Variants in CACNA1E observed in about 807,000 individuals in gnomAD.
CACNA1E encodes voltage-dependent R-type calcium channel subunit alpha-1E.
Under a neutral mutation model 259.2 loss-of-function variants are expected in CACNA1E, and 40 were observed. That is an observed-to-expected ratio of 0.15 (90% confidence interval 0.12 to 0.20). The LOEUF is 0.20. CACNA1E is among the 10% of genes least tolerant of loss of function. The pLI, the probability that CACNA1E is intolerant of heterozygous loss-of-function variation, is 1.00. For missense variants in CACNA1E, 1,874 were observed against 3,040.1 expected, an observed-to-expected ratio of 0.62 and a Z score of 9.02; for synonymous variants, 1,104 against 1,138.5, an observed-to-expected ratio of 0.97 and a Z score of 0.61.
chr1:181,717,539 C>G (rs1277908155), intron 11 of CACNA1E, among the ~76,000 whole-genome samples: 1 of 152,110 alleles, frequency 6.6e-6, no homozygotes, highest in Non-Finnish European at 1.5e-5. Context: ...AACGTTATAC[C>G]TTTGGGTACC....
At chr1:181,754,147 T>C (rs1657853063) in intron 27 of CACNA1E, among the ~76,000 whole-genome samples, 2 of 152,196 alleles carry the variant, frequency 1.3e-5, no homozygotes, top group South Asian at 2.1e-4. Flanking sequence ...CAGGATTCAG[T>C]GGGCCTCAAG....
chr1:181,617,032 G>C (rs1252345951), intron 6 of CACNA1E, among the ~76,000 whole-genome samples: 2 of 151,974 alleles, frequency 1.3e-5, no homozygotes, highest in Admixed American at 1.3e-4. Context: ...TTTCATTCCT[G>C]ATGGTGATAA....
At chr1:181,491,118 C>A (rs1664278616) in intron 1 of CACNA1E, among the ~76,000 whole-genome samples, 1 of 152,206 alleles carries the variant, frequency 6.6e-6, no homozygotes, top group African/African-American at 2.4e-5. Flanking sequence ...AATGGATTTT[C>A]AACAGTCACT....
chr1:181,655,626 G>T (rs1485952538), intron 7 of CACNA1E, among the ~76,000 whole-genome samples: 1 of 152,114 alleles, frequency 6.6e-6, no homozygotes, highest in African/African-American at 2.4e-5. Context: ...AGAAAGAGAA[G>T]AATGTGATAC....
At chr1:181,710,826 C>T in intron 7 of CACNA1E, 128 bp from the exon 8 acceptor site, 3 of 663,088 alleles carry the variant, frequency 4.5e-6, no homozygotes, top group Non-Finnish European at 8.0e-6. Flanking sequence ...CAGCCTGGGT[C>T]AGGGGAAAGG....
intron 2 of CACNA1E, among the ~76,000 whole-genome samples, chr1:181,468,012 G>A (rs1003454640): frequency 3.3e-5 from 5 of 152,144 alleles, no homozygotes; most frequent in Admixed American, 1.3e-4. Context: ...ATAATGCTGA[G>A]CTTAAGACAC....
At chr1:181,547,282 G>T (rs1396804049) in intron 3 of CACNA1E, among the ~76,000 whole-genome samples, 1 of 152,064 alleles carries the variant, frequency 6.6e-6, no homozygotes, top group Non-Finnish European at 1.5e-5. Flanking sequence ...GCTGATGCTT[G>T]CCCCTGACTC....
At chr1:181,524,984 A>G (rs1241160719) in intron 3 of CACNA1E, among the ~76,000 whole-genome samples, 1 of 152,272 alleles carries the variant, frequency 6.6e-6, no homozygotes, top group East Asian at 1.9e-4. Context: ...ACATCCATTG[A>G]GTCAAGAAAT....
At chr1:181,763,115 T>A (rs1658728721) in intron 33 of CACNA1E, among the ~76,000 whole-genome samples, 1 of 152,118 alleles carries the variant, frequency 6.6e-6, no homozygotes, top group Admixed American at 6.5e-5. Context: ...CTTTTTGGCA[T>A]TTAAGTGCAG....
Position 181,623,301 on chromosome 1 carries a change from A to G in CACNA1E, c.952-28037A>G, listed in dbSNP as rs375886490. Among the ~76,000 whole-genome samples, 478 of 152,348 alleles carry G rather than the reference A, an allele frequency of 3.1e-3. 5 individuals are homozygous for G. In the Middle Eastern group the frequency reaches 0.034, roughly 11 times the overall value. The stretch of plus-strand genomic sequence containing the variant: ...GTACCTTAAAATCTTTAATGTACAC[A>G]TATACATAACAAAATAAGTTCCTTA... On this transcript the variant is annotated intron_variant, in intron 6 of 47. Transcript: ENST00000367573.
At chr1:181,762,939 G>T (rs865777766) in intron 33 of CACNA1E, among the ~76,000 whole-genome samples, 1 of 152,176 alleles carries the variant, frequency 6.6e-6, no homozygotes, top group South Asian at 2.1e-4. Context: ...TATGCATAGC[G>T]TTGCACTAGA....
At chr1:181,538,004 A>G (rs1189974153) in intron 3 of CACNA1E, among the ~76,000 whole-genome samples, 1 of 152,236 alleles carries the variant, frequency 6.6e-6, no homozygotes, top group Non-Finnish European at 1.5e-5. Flanking sequence ...AAAAGTCACC[A>G]AATATTTATA....
chr1:181,324,139 G>A (rs1046412637), intron 1 of CACNA1E, among the ~76,000 whole-genome samples: 1 of 152,164 alleles, frequency 6.6e-6, no homozygotes, highest in African/African-American at 2.4e-5. Flanking sequence ...TCTGGGCCAG[G>A]CACTGACTAG....
At position 181,693,691 on chromosome 1, in the gene CACNA1E, A is replaced by G. The variant is rs189991900; in HGVS notation, c.1056-17263A>G. On this transcript the variant is annotated intron_variant, in intron 7 of 47. Transcript: ENST00000367573. ...GGGTTGAAAAACTGTTGGGCACTATAGTCACTACCTGGGCAAGAGGATCAT... is the reference window on the plus strand; with the variant it reads ...GGGTTGAAAAACTGTTGGGCACTATGGTCACTACCTGGGCAAGAGGATCAT... Among the ~76,000 whole-genome samples the G allele has an allele frequency of 2.8e-3, 424 of 152,244 alleles. 1 individual carries two copies. Among genetic ancestry groups the G allele is most frequent in the Non-Finnish European group, 4.8e-3 (324 of 67,988 alleles).
chr1:181,630,772 C>T lies in CACNA1E; in HGVS notation c.952-20566C>T, dbSNP rs140236108. 3.6e-3 allele frequency among the ~76,000 whole-genome samples: 554 copies of T among 152,216 alleles called. 2 individuals are homozygous for T. Among genetic ancestry groups the T allele is most frequent in the Admixed American group, 6.0e-3 (91 of 15,286 alleles). Reference sequence around the variant, plus strand: ...AAGACATTTAGAGTGGGGGATAGGGCCTGAAGGCTTGAATGGTCCTACAAG... The same window carrying T: ...AAGACATTTAGAGTGGGGGATAGGGTCTGAAGGCTTGAATGGTCCTACAAG... On this transcript the variant is annotated intron_variant, in intron 6 of 47. Transcript: ENST00000367573.
intron 3 of CACNA1E, among the ~76,000 whole-genome samples, chr1:181,520,507 C>G (rs1421307704): frequency 6.6e-6 from 1 of 151,796 alleles, no homozygotes; most frequent in Non-Finnish European, 1.5e-5. Flanking sequence ...TTCTGTAGAC[C>G]TCATTAAGAA....
At chr1:181,561,647 T>C (rs999160265) in intron 3 of CACNA1E, among the ~76,000 whole-genome samples, 7 of 152,204 alleles carry the variant, frequency 4.6e-5, no homozygotes, top group African/African-American at 1.7e-4. Context: ...TGCCTAGTAT[T>C]CAGTTGTATG....
intron 3 of CACNA1E, among the ~76,000 whole-genome samples, chr1:181,521,488 A>C (rs1027903654): frequency 6.6e-6 from 1 of 152,194 alleles, no homozygotes; most frequent in Non-Finnish European, 1.5e-5. Flanking sequence ...TGAGCTCTGA[A>C]CTATGGTGTG....
chr1:181,484,009 C>T lies in CACNA1E; in HGVS notation c.265C>T (p.Pro89Ser), dbSNP rs1663550401. 1 of 1,612,802 alleles carries T rather than the reference C, an allele frequency of 6.2e-7. No individual in the cohort carries two copies. Among genetic ancestry groups the T allele is most frequent in the East Asian group, 2.2e-5 (1 of 44,804 alleles). ...RKYAKKLIDW[P>S]PFEYMILATI... ...ATATGCCAAGAAGCTCATCGATTGG[C>T]CATATCCTTTCTTGCCCACCATAAC... Residue 89 changes from proline to serine, a missense_variant and splice_region_variant, in exon 1 of 48, where the codon CCG (proline) becomes TCG (serine). Transcript: ENST00000367573.
Sources: gnomAD v4.1 joint callset for allele counts (sites outside exome capture counted in the v4.1 genomes callset) on GRCh38, gnomAD v4.1.1 for gene constraint, MANE v1.5 for transcripts, NCBI Gene and HGNC (gene_info 2026-07-23, HGNC 2026-07-21) for gene names.